Variants in NCBP1 observed in about 807,000 individuals in gnomAD.
NCBP1 encodes nuclear cap-binding protein subunit 1.
Under a neutral mutation model 111.7 loss-of-function variants are expected in NCBP1, and 16 were observed. That is an observed-to-expected ratio of 0.14 (90% CI 0.10 to 0.22). NCBP1 has a LOEUF of 0.22. Ranked by LOEUF, NCBP1 falls within the 10% of genes least tolerant of loss-of-function variation. The pLI, the probability that NCBP1 is intolerant of heterozygous loss-of-function variation, is 1.00. For synonymous variants in NCBP1, 304 were observed against 314.3 expected, an observed-to-expected ratio of 0.97 and a Z score of 0.35; for missense variants, 607 against 957.5, an observed-to-expected ratio of 0.63 and a Z score of 4.83.
chr9:97,647,761 G>A (rs1827387195), intron 7 of NCBP1, among the ~76,000 whole-genome samples, 200 bp downstream of exon 7: 1 of 152,228 alleles, frequency 6.6e-6, no homozygotes, highest in East Asian at 1.9e-4. Context: ...CTTGTTCTTT[G>A]GAATGCCAGC....
At chr9:97,648,335 T>A in intron 8 of NCBP1, 112 bp downstream of exon 8, 1 of 922,690 alleles carries the variant, frequency 1.1e-6, no homozygotes, top group Non-Finnish European at 1.6e-6. Flanking sequence ...TGTTTTTATC[T>A]AAGAAGGTCA....
At chr9:97,639,902 CAG>C (rs1331842114) in intron 1 of NCBP1, among the ~76,000 whole-genome samples, 3 of 151,986 alleles carry the variant, frequency 2.0e-5, no homozygotes, top group Admixed American at 6.6e-5. Flanking sequence ...ATCAAAAAGA[CAG>C]ATGCTTGGTA....
At chr9:97,640,755 T>A (rs773106537) in intron 1 of NCBP1, 39 bp from the exon 2 acceptor site, 118 of 1,486,246 alleles carry the variant, frequency 7.9e-5, no homozygotes, top group Non-Finnish European at 1.0e-4. Context: ...TGATAGCAGA[T>A]TTATCATGTA....
chr9:97,634,892 C>A (rs1291993558), intron 1 of NCBP1, among the ~76,000 whole-genome samples: 1 of 152,114 alleles, frequency 6.6e-6, no homozygotes, highest in South Asian at 2.1e-4. Flanking sequence ...AAACTTTAGT[C>A]TGTAATACAG....
intron 22 of NCBP1, among the ~76,000 whole-genome samples, chr9:97,670,378 G>A (rs73500325): frequency 0.12 from 17,847 of 152,190 alleles, 2,969 homozygotes; most frequent in African/African-American, 0.36. Flanking sequence ...TAAGCTCCCT[G>A]GGGTCTCTCT....
At chr9:97,655,955 A>G in intron 13 of NCBP1, 56 bp from the exon 14 acceptor site, 1 of 1,501,370 alleles carries the variant, frequency 6.7e-7, no homozygotes, top group Non-Finnish European at 9.2e-7. Context: ...TATAGTACAA[A>G]TGGGTGTAAG....
At chr9:97,639,815 A>C (rs547868317) in intron 1 of NCBP1, among the ~76,000 whole-genome samples, 4 of 152,174 alleles carry the variant, frequency 2.6e-5, no homozygotes, top group Non-Finnish European at 5.9e-5. Context: ...TAAGAGATAC[A>C]AACAGCAAGG....
intron 10 of NCBP1, among the ~76,000 whole-genome samples, chr9:97,651,779 C>G (rs2131344820): frequency 6.6e-6 from 1 of 152,230 alleles, no homozygotes; most frequent in South Asian, 2.1e-4. Context: ...CCTCTCAGTA[C>G]TAGCATAAAC....
chr9:97,657,281 T>C (rs911349298), intron 14 of NCBP1, among the ~76,000 whole-genome samples: 4 of 152,192 alleles, frequency 2.6e-5, no homozygotes, highest in South Asian at 2.1e-4. Context: ...TGAAATCTTA[T>C]CCAGGTACAT....
At chr9:97,652,781 A>G (rs1827535093) in intron 10 of NCBP1, among the ~76,000 whole-genome samples, 2 of 152,246 alleles carry the variant, frequency 1.3e-5, no homozygotes, top group South Asian at 2.1e-4. Flanking sequence ...TGTATTTCCT[A>G]TCTTTACAAA....
intron 8 of NCBP1, among the ~76,000 whole-genome samples, chr9:97,649,400 A>T (rs540012631): frequency 6.6e-6 from 1 of 152,144 alleles, no homozygotes. Context: ...AGAGAGTGCA[A>T]TATGTCCCCT....
rs761121798 is a variant in NCBP1 at position 97,645,162 on chromosome 9, C to T, written c.427C>T (p.Pro143Ser). Residue 143 changes from proline (P) to serine (S), a missense_variant, in exon 5 of 23, where the codon CCA (proline) becomes TCA (serine). Pro to Ser is a moderately conservative substitution (Grantham distance 74). Around this residue, in one of 9 missense-constraint regions of NCBP1, gnomAD observed 185 missense variants for 272.0 expected, o/e 0.68. Coordinates refer to ENST00000375147, the MANE Select transcript of NCBP1 (RefSeq NM_002486.5). ...TGTGAATTGTCATGTGATTGCCGCC[C>T]CATCAATGGTTGCTATGTTTGAAAA... ...DLVNCHVIAA[P>S]SMVAMFENFV... 1.9e-6 allele frequency: 3 copies of T among 1,613,450 alleles called. No individual in the cohort carries two copies. The highest frequency in any genetic ancestry group is 2.5e-6 in the Non-Finnish European group (3 of 1,179,602).
At chr9:97,642,066 G>A (rs59662386) in intron 3 of NCBP1, among the ~76,000 whole-genome samples, 17,971 of 152,012 alleles carry the variant, frequency 0.12, 3,014 homozygotes, top group African/African-American at 0.37. Context: ...GGAAGCCACT[G>A]TTAATAGGCA....
chr9:97,637,220 G>A (rs1438220326), intron 1 of NCBP1, among the ~76,000 whole-genome samples: 1 of 152,190 alleles, frequency 6.6e-6, no homozygotes, highest in Non-Finnish European at 1.5e-5. Flanking sequence ...CTATACCAAT[G>A]AAGTTCATGT....
At position 97,669,190 on chromosome 9, in the gene NCBP1, G is replaced by C. The variant is rs529027498; in HGVS notation, c.2145+216G>C. Among the ~76,000 whole-genome samples the C allele has an allele frequency of 4.6e-5, 7 of 151,544 alleles. No individual in the cohort carries two copies. In the South Asian group the frequency reaches 1.3e-3, roughly 27 times the overall value. ...CTGTTTACTTAGTATTCTCGCATGA[G>C]CATTTCTCCATGCTTGAAAAAAAAT... On this transcript the variant is annotated intron_variant, in intron 21 of 22. Coordinates refer to ENST00000375147, the MANE Select transcript of NCBP1 (RefSeq NM_002486.5).
rs779033305 is a variant in NCBP1, at chr9:97,658,520, ACTT to A, written c.1374-116_1374-114del. On this transcript the variant is annotated intron_variant, in intron 14 of 22. Transcript: ENST00000375147. ...CTCAAAGGATTTTTTTTTCCCTTTC[ACTT>A]CTTGGTTGTCAGCTGAGTTCAAGTT... The A allele has an allele frequency of 4.7e-5, 34 of 730,708 alleles. No individual in the cohort carries two copies. In the Middle Eastern group the frequency reaches 9.6e-4, roughly 21 times the overall value. 45.3% of individuals were successfully genotyped at this position (730,708 alleles called of 1,614,324 possible). A position where few individuals can be genotyped will look rare whatever the true frequency, so the allele number is the denominator to read the frequency against.
In NCBP1 at chr9:97,651,007, A is replaced by G. The variant is rs1827481964; in HGVS notation, c.996-303A>G. ...GGTTTAGATTTTAAGGTGGAAATGAATATAGTATTATGAGAGTGATCTACT... is the reference window on the plus strand; with the variant it reads ...GGTTTAGATTTTAAGGTGGAAATGAGTATAGTATTATGAGAGTGATCTACT... On this transcript the variant is annotated intron_variant, in intron 9 of 22. Coordinates refer to ENST00000375147, the MANE Select transcript of NCBP1 (RefSeq NM_002486.5). Among the ~76,000 whole-genome samples, 3 of 152,088 alleles carry G rather than the reference A, an allele frequency of 2.0e-5. No individual in the cohort carries two copies. The South Asian group carries it at 6.2e-4, about 32-fold the overall frequency.
rs1457525285 is a variant in NCBP1, at chr9:97,657,922, A to AT, written c.1374-717dup. On this transcript the variant is annotated intron_variant, in intron 14 of 22. Coordinates refer to ENST00000375147, the MANE Select transcript of NCBP1 (RefSeq NM_002486.5). The stretch of plus-strand genomic sequence containing the variant: ...TCTCTCTCTCTATATATATATATAT[A>AT]TATATTTTTTTTTTTTTTTTTAACG... 2.5e-4 allele frequency among the ~76,000 whole-genome samples: 29 copies of AT among 117,328 alleles called. No individual in the cohort carries two copies. The East Asian group carries it at 6.2e-3, about 25-fold the overall frequency. The allele number at this position is 117,328 out of a possible 152,430, so 77.0% of individuals were successfully genotyped here.
chr9:97,652,142 T>TAC (rs1285508963), intron 10 of NCBP1, among the ~76,000 whole-genome samples: 4 of 152,190 alleles, frequency 2.6e-5, no homozygotes, highest in Non-Finnish European at 5.9e-5. Flanking sequence ...TAGCTGGAAC[T>TAC]ACAGGTGCAC....
Sources: allele counts gnomAD v4.1 joint callset (sites outside exome capture counted in the v4.1 genomes callset), GRCh38; gene constraint gnomAD v4.1.1; regional missense constraint gnomAD v4.1.1; transcripts MANE v1.5; gene names NCBI Gene and HGNC (gene_info 2026-07-23, HGNC 2026-07-21).